TNIK: variants seen among roughly 807,000 people sequenced by gnomAD.
TNIK encodes TRAF2 and NCK-interacting protein kinase.
TNIK carries 49 observed loss-of-function variants against 191.3 expected under a neutral mutation model. The ratio of observed to expected loss-of-function variants is 0.26; its 90% CI spans 0.20 to 0.32. TNIK has a LOEUF of 0.32. Among genes scored for constraint, TNIK ranks in the 10% least tolerant of loss-of-function variants. The probability of loss-of-function intolerance (pLI) is 1.00; values close to 1 mark genes in which losing one functional copy is unlikely to be tolerated. For synonymous variants in TNIK, 594 were observed against 600.9 expected (o/e 0.99, Z 0.17); for missense variants, 1,155 against 1,702.3 (o/e 0.68, Z 5.66).
At chr3:171,273,510 T>C (rs1411758895) in intron 2 of TNIK, among the ~76,000 whole-genome samples, 1 of 152,224 alleles carries the variant, frequency 6.6e-6, no homozygotes, top group Non-Finnish European at 1.5e-5. Context: ...CATATTATGC[T>C]ACAACCAGGT....
intron 1 of TNIK, among the ~76,000 whole-genome samples, chr3:171,388,130 T>C (rs1416906302): frequency 6.6e-6 from 1 of 152,220 alleles, no homozygotes; most frequent in Non-Finnish European, 1.5e-5. Flanking sequence ...GTGATTTCCA[T>C]ATATCCTAAA....
chr3:171,227,099 G>A (rs950104609), intron 3 of TNIK, among the ~76,000 whole-genome samples: 5 of 152,024 alleles, frequency 3.3e-5, no homozygotes, highest in African/African-American at 1.2e-4. Flanking sequence ...AAAATCCCCA[G>A]GACAACAGAA....
chr3:171,431,879 G>A (rs1197519995), intron 1 of TNIK, among the ~76,000 whole-genome samples: 2 of 152,180 alleles, frequency 1.3e-5, no homozygotes, highest in Non-Finnish European at 1.5e-5. Context: ...CAAATCCCAA[G>A]ACTAGTTAAT....
intron 2 of TNIK, among the ~76,000 whole-genome samples, chr3:171,266,839 C>T (rs776388448): frequency 7.2e-5 from 11 of 152,172 alleles, no homozygotes; most frequent in East Asian, 1.9e-4. Context: ...TAAGTTAAAC[C>T]GGCTTCCTTC....
At chr3:171,249,355 T>C (rs1745974283) in intron 2 of TNIK, among the ~76,000 whole-genome samples, 1 of 152,214 alleles carries the variant, frequency 6.6e-6, no homozygotes, top group African/African-American at 2.4e-5. Context: ...CAAATGTGAA[T>C]ATCAGATCTG....
At chr3:171,107,335 G>T (rs765101202) in intron 20 of TNIK, 129 bp from the exon 21 acceptor site, 4 of 780,524 alleles carry the variant, frequency 5.1e-6, no homozygotes, top group Non-Finnish European at 6.1e-6. Flanking sequence ...CGAAGAGAAT[G>T]TCAATCCAGA....
chr3:171,265,012 A>C (rs142396247), intron 2 of TNIK, among the ~76,000 whole-genome samples: 17 of 152,270 alleles, frequency 1.1e-4, no homozygotes, highest in African/African-American at 3.9e-4. Context: ...CTTACGGAAC[A>C]CCTTGACCAG....
intron 7 of TNIK, among the ~76,000 whole-genome samples, chr3:171,184,218 C>G (rs761051889): frequency 2.6e-5 from 4 of 152,028 alleles, no homozygotes; most frequent in Non-Finnish European, 5.9e-5. Flanking sequence ...AGGACTGACT[C>G]TTATTAATTA....
chr3:171,082,220 A>T, intron 27 of TNIK, 31 bp downstream of exon 27: 8 of 1,605,332 alleles, frequency 5.0e-6, no homozygotes, highest in Non-Finnish European at 6.8e-6. Flanking sequence ...CGCTGTATGG[A>T]CCTGGGGGAC....
chr3:171,311,631 T>C (rs1475622020), intron 2 of TNIK, among the ~76,000 whole-genome samples: 1 of 152,120 alleles, frequency 6.6e-6, no homozygotes, highest in African/African-American at 2.4e-5. Context: ...CTCTTAGTAT[T>C]GAGAACCTTC....
chr3:171,297,837 G>A (rs1560391796), intron 2 of TNIK, among the ~76,000 whole-genome samples: 1 of 152,136 alleles, frequency 6.6e-6, no homozygotes, highest in African/African-American at 2.4e-5. Context: ...ATCAGAGAAA[G>A]AAAAAGTATA....
intron 2 of TNIK, among the ~76,000 whole-genome samples, chr3:171,311,425 T>C (rs1455961071): frequency 6.6e-6 from 1 of 152,194 alleles, no homozygotes; most frequent in African/African-American, 2.4e-5. Context: ...TATTTCCATT[T>C]AAGCTCCCTA....
chr3:171,323,393 G>C (rs1000617290), intron 2 of TNIK, among the ~76,000 whole-genome samples: 3 of 152,066 alleles, frequency 2.0e-5, no homozygotes, highest in Admixed American at 6.5e-5. Flanking sequence ...ACTCTATCAG[G>C]CTTAAAAATT....
intron 1 of TNIK, among the ~76,000 whole-genome samples, chr3:171,411,785 C>T (rs1722461758): frequency 6.6e-6 from 1 of 152,200 alleles, no homozygotes; most frequent in Admixed American, 6.5e-5. Context: ...GAAGACATAG[C>T]TCCCGGAAAG....
intron 12 of TNIK, among the ~76,000 whole-genome samples, chr3:171,144,408 T>C (rs1041459813): frequency 7.4e-6 from 1 of 135,056 alleles, no homozygotes; most frequent in Non-Finnish European, 1.7e-5. Flanking sequence ...TTCCTTTTTA[T>C]TTTTATTTTA....
At chr3:171,393,881 T>TA (rs1719884258) in intron 1 of TNIK, among the ~76,000 whole-genome samples, 1 of 152,240 alleles carries the variant, frequency 6.6e-6, no homozygotes, top group African/African-American at 2.4e-5. Flanking sequence ...ATTAAGTACT[T>TA]ACTGCAATTC....
At chr3:171,424,775 T>C (rs1241474973) in intron 1 of TNIK, among the ~76,000 whole-genome samples, 3 of 137,572 alleles carry the variant, frequency 2.2e-5, no homozygotes, top group Admixed American at 8.4e-5. Context: ...TAGGTGGGAA[T>C]TGAACAATGA....
intron 15 of TNIK, among the ~76,000 whole-genome samples, chr3:171,129,769 T>C (rs1728995362): frequency 6.6e-6 from 1 of 152,208 alleles, no homozygotes; most frequent in African/African-American, 2.4e-5. Flanking sequence ...AAACAGGTCA[T>C]CATTACCTTT....
At chr3:171,121,354 T>C (rs1211225904) in intron 18 of TNIK, among the ~76,000 whole-genome samples, 2 of 152,236 alleles carry the variant, frequency 1.3e-5, no homozygotes, top group Non-Finnish European at 2.9e-5. Flanking sequence ...CCAGTGTCCA[T>C]GCCCCTGTGT....
Sources: gnomAD v4.1 joint callset for allele counts (sites outside exome capture counted in the v4.1 genomes callset) on GRCh38, gnomAD v4.1.1 for gene constraint, MANE v1.5 for transcripts, NCBI Gene and HGNC (gene_info 2026-07-23, HGNC 2026-07-21) for gene names.